The following JAKMIP3 variants were observed in gnomAD, a reference collection of about 807,000 sequenced individuals.
JAKMIP3 encodes the protein Janus kinase and microtubule interacting protein 3.
In JAKMIP3, 58 loss-of-function variants were observed where a neutral mutation model predicts 118.5. That is an observed-to-expected ratio of 0.49 (90% CI 0.40 to 0.61). The LOEUF (loss-of-function observed/expected upper bound fraction) is 0.61. Ranked by LOEUF, JAKMIP3 falls within the 20% of genes least tolerant of loss-of-function variation. The pLI, the probability that JAKMIP3 is intolerant of heterozygous loss-of-function variation, is 0.00. For missense variants in JAKMIP3, 950 were observed against 1,109.0 expected, an observed-to-expected ratio of 0.86 and a Z score of 2.04; for synonymous variants, 486 against 451.2, an observed-to-expected ratio of 1.08 and a Z score of -0.98.
At chr10:132,116,170 T>G (rs2047613042) in intron 2 of JAKMIP3, among the ~76,000 whole-genome samples, 2 of 152,268 alleles carry the variant, frequency 1.3e-5, no homozygotes, top group African/African-American at 4.8e-5. Flanking sequence ...GTATTTTTGA[T>G]TCAGATACCA....
chr10:132,063,558 C>G (rs753347048), upstream of JAKMIP3, among the ~76,000 whole-genome samples: 1 of 152,226 alleles, frequency 6.6e-6, no homozygotes, highest in East Asian at 1.9e-4. Flanking sequence ...GCTCCCTAAG[C>G]TGGAACGCCG....
chr10:132,162,796 G>GGGTTATTATGTATTTTGGCTGCTT (rs2058490572), intron 19 of JAKMIP3, among the ~76,000 whole-genome samples: 1 of 151,844 alleles, frequency 6.6e-6, no homozygotes, highest in African/African-American at 2.4e-5. Context: ...TTTGGCTGCT[G>GGGTTATTATGTATTTTGGCTGCTT]GTTATAGCAC....
chr10:132,180,720 C>CGTGCGTGCGCGCGCGT (rs1565021278), intron 23 of JAKMIP3, among the ~76,000 whole-genome samples: 1 of 17,020 alleles, frequency 5.9e-5, no homozygotes, highest in Admixed American at 7.8e-4. Flanking sequence ...CGTGTGTGTG[C>CGTGCGTGCGCGCGCGT]GTGTGTGTGC....
intron 9 of JAKMIP3, 23 bp from the exon 10 acceptor site, chr10:132,140,428 A>ACACGTC (rs1330517308): frequency 6.2e-7 from 1 of 1,613,078 alleles, no homozygotes; most frequent in African/African-American, 1.3e-5. Flanking sequence ...GTTTGAACTG[A>ACACGTC]CACGTCGCAT....
chr10:132,084,022 T>G (rs1461952163), intron 1 of JAKMIP3, among the ~76,000 whole-genome samples: 1 of 152,198 alleles, frequency 6.6e-6, no homozygotes, highest in African/African-American at 2.4e-5. Context: ...ATGTGGGCTC[T>G]TTTTTGATTC....
rs1564892819 is a variant in JAKMIP3, at chr10:132,097,929, CCCTTCCCCT to C, written c.-137-6742_-137-6734del. 2.7e-3 allele frequency among the ~76,000 whole-genome samples: 64 copies of C among 23,494 alleles called. 10 individuals are homozygous for C. Among genetic ancestry groups the C allele is most frequent in the South Asian group, 5.1e-3 (2 of 392 alleles). The allele number at this position is 23,494 out of a possible 152,430, so 15.4% of individuals were successfully genotyped here. On this transcript the variant is annotated intron_variant, in intron 1 of 23. Coordinates refer to ENST00000684848, the MANE Select transcript of JAKMIP3 (RefSeq NM_001323087.2). The stretch of plus-strand genomic sequence containing the variant: ...TCCCCTTCCCCTTCCCCTTTCCTTC[CCCTTCCCCT>C]TTCCCTTTCCCATCCCCTTTCCCTT...
chr10:132,056,582 C>A (rs1302492572), intron 1 of JAKMIP3, among the ~76,000 whole-genome samples: 1 of 152,222 alleles, frequency 6.6e-6, no homozygotes, highest in Non-Finnish European at 1.5e-5. Flanking sequence ...TTATCTGCCA[C>A]CACGAGGGCC....
intron 23 of JAKMIP3, chr10:132,170,378 C>T (rs1404051623): frequency 6.6e-6 from 1 of 152,366 alleles, no homozygotes; most frequent in African/African-American, 2.4e-5. Flanking sequence ...CCCGCGGAGG[C>T]TTCCCGGCTG....
intron 9 of JAKMIP3, among the ~76,000 whole-genome samples, chr10:132,139,085 TGA>T (rs1564946844): frequency 4.2e-5 from 6 of 143,386 alleles, no homozygotes; most frequent in African/African-American, 1.0e-4. Context: ...TATGTGTGTG[TGA>T]GTGCGTGTAT....
intron 1 of JAKMIP3, among the ~76,000 whole-genome samples, chr10:132,085,085 A>G (rs932859363): frequency 1.3e-5 from 2 of 151,970 alleles, no homozygotes; most frequent in Admixed American, 6.6e-5. Context: ...TACTGGCTTC[A>G]TAGAATGATT....
chr10:132,120,942 G>A (rs1371641456), intron 3 of JAKMIP3, among the ~76,000 whole-genome samples: 2 of 150,748 alleles, frequency 1.3e-5, no homozygotes, highest in Non-Finnish European at 1.5e-5. Flanking sequence ...CTCGAGCTGC[G>A]GGGGCAGCGG....
intron 21 of JAKMIP3, among the ~76,000 whole-genome samples, chr10:132,165,822 G>A (rs1359753182): frequency 2.6e-5 from 4 of 152,230 alleles, no homozygotes; most frequent in South Asian, 2.1e-4. Flanking sequence ...CCTGAGGAAC[G>A]AGTTACTCAA....
intron 1 of JAKMIP3, among the ~76,000 whole-genome samples, chr10:132,038,650 AG>A (rs961097793): frequency 6.6e-6 from 1 of 152,032 alleles, no homozygotes; most frequent in African/African-American, 2.4e-5. Flanking sequence ...TACAATAATT[AG>A]CTGGGCATGG....
At chr10:132,109,780 C>T (rs1481063818) in intron 2 of JAKMIP3, among the ~76,000 whole-genome samples, 3 of 152,214 alleles carry the variant, frequency 2.0e-5, no homozygotes, top group East Asian at 1.9e-4. Flanking sequence ...GGGAAGCCTT[C>T]GGGGCCCCTG....
chr10:132,116,536 G>A lies in JAKMIP3; in HGVS notation c.136-541G>A, dbSNP rs573126128. ...TGTGTGCATCATGGACGCTCCCCCC[G>A]AATACACATTCAGATGTGTGAGTGT... On this transcript the variant is annotated intron_variant, in intron 2 of 23. Transcript: ENST00000684848. Among the ~76,000 whole-genome samples, 6 of 128,542 alleles carry A rather than the reference G, an allele frequency of 4.7e-5. No individual in the cohort carries two copies. The East Asian group carries it at 7.4e-4, about 16-fold the overall frequency. The allele number at this position is 128,542 out of a possible 152,430, so 84.3% of individuals were successfully genotyped here.
At chr10:132,088,673 T>C (rs2042718764) in intron 1 of JAKMIP3, among the ~76,000 whole-genome samples, 1 of 152,204 alleles carries the variant, frequency 6.6e-6, no homozygotes, top group Non-Finnish European at 1.5e-5. Context: ...TTCACTCTGA[T>C]GGTAGTTTCT....
chr10:132,130,474 GC>G (rs2050357927), intron 3 of JAKMIP3, among the ~76,000 whole-genome samples: 1 of 152,208 alleles, frequency 6.6e-6, no homozygotes, highest in African/African-American at 2.4e-5. Context: ...CGGAGGGAGG[GC>G]CCCCCTGAGG....
chr10:132,109,173 G>A (rs2046457500), intron 2 of JAKMIP3, among the ~76,000 whole-genome samples: 1 of 150,764 alleles, frequency 6.6e-6, no homozygotes, highest in Non-Finnish European at 1.5e-5. Context: ...AAAAAAAACT[G>A]GGCATGGTGG....
intron 1 of JAKMIP3, among the ~76,000 whole-genome samples, chr10:132,037,612 T>G (rs748404841): frequency 2.0e-5 from 3 of 152,122 alleles, no homozygotes; most frequent in Non-Finnish European, 2.9e-5. Context: ...GATTTGGTGG[T>G]GAATCAGTGC....
Sources: gnomAD v4.1 joint callset for allele counts (sites outside exome capture counted in the v4.1 genomes callset) on GRCh38, gnomAD v4.1.1 for gene constraint, MANE v1.5 for transcripts, NCBI Gene and HGNC (gene_info 2026-07-23, HGNC 2026-07-21) for gene names.